The following GLCE variants were observed in gnomAD, a reference collection of about 807,000 sequenced individuals.
GLCE encodes D-glucuronyl C5-epimerase.
In GLCE, 19 loss-of-function variants were observed where a neutral mutation model predicts 47.9. The observed-to-expected ratio is 0.40, with a 90% CI of 0.28 to 0.58. The LOEUF is 0.58. GLCE is among the 20% of genes least tolerant of loss of function. GLCE has a pLI of 0.48. For missense variants in GLCE, 556 were observed against 743.3 expected (o/e 0.75, Z 2.93); for synonymous variants, 245 against 263.4 (o/e 0.93, Z 0.68).
intron 2 of GLCE, among the ~76,000 whole-genome samples, chr15:69,217,600 A>G (rs917445287): frequency 4.3e-4 from 65 of 152,286 alleles, no homozygotes; most frequent in Non-Finnish European, 6.0e-4. Context: ...GGCACCTGCT[A>G]GCAGTTTTGC....
At chr15:69,235,412 G>A (rs1239382454) in intron 2 of GLCE, among the ~76,000 whole-genome samples, 1 of 143,976 alleles carries the variant, frequency 6.9e-6, no homozygotes, top group African/African-American at 3.0e-5. Flanking sequence ...CCGGCCTGAA[G>A]ATTATTATTT....
chr15:69,232,058 T>G (rs1415890584), intron 2 of GLCE, among the ~76,000 whole-genome samples: 4 of 152,250 alleles, frequency 2.6e-5, no homozygotes, highest in African/African-American at 9.6e-5. Flanking sequence ...CCCAAAGTGC[T>G]GGGATTACAG....
At chr15:69,186,243 C>T (rs1402684264) in intron 1 of GLCE, among the ~76,000 whole-genome samples, 1 of 151,946 alleles carries the variant, frequency 6.6e-6, no homozygotes, top group African/African-American at 2.4e-5. Flanking sequence ...GTCTTAAGAC[C>T]CACTGTCAGA....
At chr15:69,214,158 C>G (rs1028453824) in intron 2 of GLCE, among the ~76,000 whole-genome samples, 4 of 152,052 alleles carry the variant, frequency 2.6e-5, no homozygotes, top group African/African-American at 9.7e-5. Context: ...ATTTAGAAAC[C>G]AGCATCTGGG....
chr15:69,224,849 T>G (rs2052423553), intron 2 of GLCE, among the ~76,000 whole-genome samples: 1 of 152,238 alleles, frequency 6.6e-6, no homozygotes, highest in South Asian at 2.1e-4. Flanking sequence ...ATAATTACTT[T>G]AGACAGATTC....
At chr15:69,262,897 A>G (rs993783701) in intron 4 of GLCE, among the ~76,000 whole-genome samples, 10 of 152,222 alleles carry the variant, frequency 6.6e-5, no homozygotes, top group African/African-American at 2.4e-4. Flanking sequence ...GCTTGGGACT[A>G]GAAGTGTTTC....
chr15:69,219,007 T>C (rs1195462175), intron 2 of GLCE, among the ~76,000 whole-genome samples: 2 of 152,178 alleles, frequency 1.3e-5, no homozygotes, highest in Non-Finnish European at 2.9e-5. Flanking sequence ...AAACTCATTT[T>C]ATTGTAGATC....
At chr15:69,187,624 T>G (rs2051843381) in intron 1 of GLCE, among the ~76,000 whole-genome samples, 1 of 152,184 alleles carries the variant, frequency 6.6e-6, no homozygotes, top group South Asian at 2.1e-4. Context: ...AGAAAAACAT[T>G]AACATGAATG....
At chr15:69,239,150 G>T (rs188171494) in intron 2 of GLCE, among the ~76,000 whole-genome samples, 1 of 152,110 alleles carries the variant, frequency 6.6e-6, no homozygotes, top group East Asian at 1.9e-4. Flanking sequence ...TTCCCTTGCA[G>T]CTAGAGGTGG....
At chr15:69,243,057 C>CAAAAAAAAAAAAA (rs547412078) in intron 2 of GLCE, among the ~76,000 whole-genome samples, 2 of 42,216 alleles carry the variant, frequency 4.7e-5, no homozygotes, top group African/African-American at 7.6e-5. Flanking sequence ...AGATCCTGTC[C>CAAAAAAAAAAAAA]AAAAAAAAAA....
chr15:69,249,323 C>T (rs2052802662), intron 2 of GLCE, among the ~76,000 whole-genome samples: 1 of 152,130 alleles, frequency 6.6e-6, no homozygotes, highest in Non-Finnish European at 1.5e-5. Context: ...GCATAGTCTA[C>T]ATAACTTTTT....
At chr15:69,174,677 T>C (rs938212115) in intron 1 of GLCE, among the ~76,000 whole-genome samples, 1 of 152,160 alleles carries the variant, frequency 6.6e-6, no homozygotes, top group African/African-American at 2.4e-5. Context: ...AACTTCTAAA[T>C]GATTCAGTTG....
chr15:69,162,041 CT>C (rs2051432179), intron 1 of GLCE, among the ~76,000 whole-genome samples: 1 of 152,320 alleles, frequency 6.6e-6, no homozygotes, highest in East Asian at 1.9e-4. Context: ...TTCTGTCTGG[CT>C]TCTTTCTGTC....
intron 1 of GLCE, among the ~76,000 whole-genome samples, chr15:69,184,973 G>T (rs2051801519): frequency 6.6e-6 from 1 of 152,168 alleles, no homozygotes; most frequent in African/African-American, 2.4e-5. Context: ...TCAGTTTCTG[G>T]CAGTGAGGAT....
intron 1 of GLCE, among the ~76,000 whole-genome samples, chr15:69,204,217 A>G (rs1191112002): frequency 6.6e-6 from 1 of 151,348 alleles, no homozygotes; most frequent in East Asian, 1.9e-4. Flanking sequence ...CATCCTACTT[A>G]TTCAAATAAA....
chr15:69,211,965 A>G (rs2052239522), intron 2 of GLCE, among the ~76,000 whole-genome samples: 1 of 152,020 alleles, frequency 6.6e-6, no homozygotes, highest in East Asian at 1.9e-4. Context: ...GAATCTGGAA[A>G]CTTATCAGAA....
intron 2 of GLCE, among the ~76,000 whole-genome samples, chr15:69,219,123 C>G (rs2052346255): frequency 6.6e-6 from 1 of 151,866 alleles, no homozygotes; most frequent in Non-Finnish European, 1.5e-5. Context: ...GTAGAATTGT[C>G]AGTTGTAAGG....
intron 1 of GLCE, among the ~76,000 whole-genome samples, chr15:69,166,831 A>T (rs2051508832): frequency 6.7e-6 from 1 of 149,996 alleles, no homozygotes; most frequent in Admixed American, 6.6e-5. Flanking sequence ...GAGGCAGGAA[A>T]ATTGCTTGAG....
intron 2 of GLCE, among the ~76,000 whole-genome samples, chr15:69,217,013 G>C (rs180800812): frequency 6.6e-6 from 1 of 151,970 alleles, no homozygotes; most frequent in Admixed American, 6.6e-5. Context: ...TAGAATAAGC[G>C]TACCTCTTTA....
Sources: allele counts gnomAD v4.1 joint callset (sites outside exome capture counted in the v4.1 genomes callset), GRCh38; gene constraint gnomAD v4.1.1; transcripts MANE v1.5; gene names NCBI Gene and HGNC (gene_info 2026-07-23, HGNC 2026-07-21).